Variants in SLC29A3 observed in about 807,000 individuals in gnomAD.
SLC29A3 encodes the protein solute carrier family 29 member 3, also known as equilibrative nucleoside transporter 3.
In SLC29A3, 18 loss-of-function variants were observed where a neutral mutation model predicts 25.4. The ratio of observed to expected loss-of-function variants is 0.71; its 90% CI spans 0.49 to 1.05. The LOEUF (loss-of-function observed/expected upper bound fraction) is 1.05, where lower values mean the gene tolerates loss of function less well. SLC29A3 is among the 50% of genes least tolerant of loss of function. The pLI is 0.00. For missense variants in SLC29A3, 586 were observed against 609.0 expected, an observed-to-expected ratio of 0.96 and a Z score of 0.40; for synonymous variants, 258 against 267.1, an observed-to-expected ratio of 0.97 and a Z score of 0.33.
chr10:71,363,363 G>T lies in SLC29A3; in HGVS notation c.*755G>T, dbSNP rs180992605. ...ATGTCAAAGCCATTGGTTCAAGGGC[G>T]TAATAAATACTTGCGTATTCAATGT... is the stretch of plus-strand genomic sequence containing the variant. On this transcript the variant is annotated 3_prime_UTR_variant, in exon 6 of 6. Transcript: ENST00000373189. The T allele has an allele frequency of 4.4e-6, 2 of 454,074 alleles. No individual in the cohort carries two copies. Among genetic ancestry groups the T allele is most frequent in the South Asian group, 1.6e-5 (1 of 64,470 alleles). The allele number at this position is 454,074 out of a possible 1,614,324, so 28.1% of individuals were successfully genotyped here. A position where few individuals can be genotyped will look rare whatever the true frequency, so the allele number is the denominator to read the frequency against.
At chr10:71,369,770 G>A (rs1017597213) in intron 3 of SLC29A3, among the ~76,000 whole-genome samples, 3 of 152,214 alleles carry the variant, frequency 2.0e-5, no homozygotes, top group Admixed American at 6.5e-5. Flanking sequence ...GCCAGGTGGG[G>A]TGGGTCATCC....
At chr10:71,319,614 G>T in intron 1 of SLC29A3, 1 of 352,312 alleles carries the variant, frequency 2.8e-6, no homozygotes, top group Non-Finnish European at 5.1e-6. Context: ...GTATCCAGAC[G>T]GTGGCTGATT....
chr10:71,339,142 G>T (rs979001950), intron 2 of SLC29A3, among the ~76,000 whole-genome samples: 1 of 152,238 alleles, frequency 6.6e-6, no homozygotes, highest in Non-Finnish European at 1.5e-5. Context: ...TGAGCCTCAG[G>T]CTGCTTATCT....
chr10:71,319,437 C>A (rs1845795300), intron 1 of SLC29A3, 127 bp downstream of exon 1: 2 of 483,100 alleles, frequency 4.1e-6, no homozygotes, highest in Non-Finnish European at 7.3e-6. Context: ...GGACCCTACC[C>A]CATCCGTGGT....
At chr10:71,341,440 TGC>T (rs1201062681) in intron 2 of SLC29A3, among the ~76,000 whole-genome samples, 5 of 152,214 alleles carry the variant, frequency 3.3e-5, no homozygotes, top group African/African-American at 1.2e-4. Flanking sequence ...GGGACTGGTG[TGC>T]TAACCCTCTG....
chr10:71,333,518 G>T (rs947210914), intron 2 of SLC29A3, among the ~76,000 whole-genome samples: 6 of 152,218 alleles, frequency 3.9e-5, no homozygotes, highest in Admixed American at 3.9e-4. Context: ...CTTCCTGATG[G>T]TCCCTAAGGT....
intron 3 of SLC29A3, among the ~76,000 whole-genome samples, chr10:71,370,649 C>T (rs959827619): frequency 2.6e-5 from 4 of 152,164 alleles, no homozygotes; most frequent in Admixed American, 2.6e-4. Flanking sequence ...ATCCTCCCAC[C>T]TCAGCCTCCC....
At chr10:71,340,997 C>T (rs1006196314) in intron 2 of SLC29A3, among the ~76,000 whole-genome samples, 4 of 152,194 alleles carry the variant, frequency 2.6e-5, no homozygotes, top group African/African-American at 7.2e-5. Flanking sequence ...ACACACGGAA[C>T]ACCTTGGAAA....
intron 5 of SLC29A3, 96 bp downstream of exon 5, chr10:71,356,339 T>G (rs2131844692): frequency 1.4e-6 from 2 of 1,472,894 alleles, no homozygotes. Flanking sequence ...CTTCTTTGTC[T>G]AGGTGCTATG....
intron 3 of SLC29A3, among the ~76,000 whole-genome samples, chr10:71,348,856 A>T (rs1030992833): frequency 6.6e-6 from 1 of 152,174 alleles, no homozygotes; most frequent in African/African-American, 2.4e-5. Context: ...CTGGGAGGTG[A>T]AGGTGGGAGA....
At chr10:71,323,116 C>A in intron 2 of SLC29A3, 62 bp downstream of exon 2, 1 of 1,589,468 alleles carries the variant, frequency 6.3e-7, no homozygotes, top group Non-Finnish European at 8.6e-7. Context: ...GCCTCACATG[C>A]AGGGGAAGAT....
At chr10:71,322,503 C>A (rs1047185944) in intron 1 of SLC29A3, among the ~76,000 whole-genome samples, 29 of 152,324 alleles carry the variant, frequency 1.9e-4, no homozygotes, top group African/African-American at 6.5e-4. Flanking sequence ...CTACTGCTAC[C>A]TCTGTTGCCC....
intron 5 of SLC29A3, among the ~76,000 whole-genome samples, chr10:71,356,782 C>T (rs1182310089): frequency 6.6e-6 from 1 of 152,206 alleles, no homozygotes; most frequent in Non-Finnish European, 1.5e-5. Context: ...GCTGACTGCA[C>T]TACTGCAATT....
chr10:71,351,822 C>G (rs749765145), intron 4 of SLC29A3, 34 bp downstream of exon 4: 2 of 1,570,872 alleles, frequency 1.3e-6, no homozygotes, highest in East Asian at 4.6e-5. Flanking sequence ...TGACCAGGTT[C>G]ATCCACCCAG....
intron 2 of SLC29A3, among the ~76,000 whole-genome samples, chr10:71,340,986 C>T (rs564016080): frequency 2.7e-4 from 41 of 152,320 alleles, no homozygotes; most frequent in African/African-American, 9.1e-4. Context: ...TTTGCAGCAG[C>T]ACACACGGAA....
chr10:71,376,687 G>A (rs980409334), intron 4 of SLC29A3, among the ~76,000 whole-genome samples: 41 of 152,288 alleles, frequency 2.7e-4, no homozygotes, highest in African/African-American at 9.9e-4. Flanking sequence ...TGGCCACCCA[G>A]GAGCATAGAT....
intron 1 of SLC29A3, 58 bp from the exon 2 acceptor site, chr10:71,322,698 C>T: frequency 3.7e-6 from 6 of 1,602,872 alleles, no homozygotes; most frequent in Non-Finnish European, 5.1e-6. Flanking sequence ...CCCAGCTGTC[C>T]CCCAGCCTTG....
In SLC29A3 at chr10:71,362,440, C is replaced by T; in HGVS notation, c.1260C>T (p.Ser420=). The T allele has an allele frequency of 1.2e-6, 2 of 1,614,220 alleles. No homozygotes were observed. Among genetic ancestry groups the T allele is most frequent in the Admixed American group, 1.7e-5 (1 of 60,034 alleles). ...ATGTGTACCCCGCACTCCTCAGCTC[C>T]CTGCTGGGGCTCAGCAACGGCTACC... The part of the protein sequence containing the change: ...QSDVYPALLS[S]LLGLSNGYLS... Residue 420 remains serine, a synonymous_variant, in exon 6 of 6, where the codon TCC becomes TCT. Coordinates refer to ENST00000373189, the MANE Select transcript of SLC29A3 (RefSeq NM_018344.6).
intron 2 of SLC29A3, among the ~76,000 whole-genome samples, chr10:71,338,564 C>G (rs1455066587): frequency 1.4e-4 from 21 of 152,208 alleles, no homozygotes; most frequent in Non-Finnish European, 2.8e-4. Context: ...TCAAGACCAT[C>G]CTGGCTAACA....
Sources: gnomAD v4.1 joint callset for allele counts (sites outside exome capture counted in the v4.1 genomes callset) on GRCh38, gnomAD v4.1.1 for gene constraint, MANE v1.5 for transcripts, NCBI Gene and HGNC (gene_info 2026-07-23, HGNC 2026-07-21) for gene names.